Variants in ROBO2 observed in about 807,000 individuals in gnomAD.
ROBO2 encodes the protein roundabout homolog 2.
Under a neutral mutation model 160.8 loss-of-function variants are expected in ROBO2, and 53 were observed. That is an observed-to-expected ratio of 0.33 (90% CI 0.26 to 0.41). ROBO2 has a LOEUF of 0.41. ROBO2 is among the 10% of genes least tolerant of loss of function. ROBO2 has a pLI of 1.00. For synonymous variants in ROBO2, 664 were observed against 611.7 expected, an observed-to-expected ratio of 1.09 and a Z score of -1.26; for missense variants, 1,577 against 1,722.4, an observed-to-expected ratio of 0.92 and a Z score of 1.49.
chr3:76,061,696 C>G (rs1364424115), intron 2 of ROBO2, among the ~76,000 whole-genome samples: 3 of 152,112 alleles, frequency 2.0e-5, no homozygotes, highest in Non-Finnish European at 4.4e-5. Flanking sequence ...TATGCAGCTG[C>G]TGTAACAAAT....
chr3:76,554,833 C>A (rs2083610856), intron 2 of ROBO2, among the ~76,000 whole-genome samples: 1 of 152,000 alleles, frequency 6.6e-6, no homozygotes, highest in Non-Finnish European at 1.5e-5. Flanking sequence ...GGTTTAGCTG[C>A]TTTCATGAGT....
At chr3:76,610,644 G>A (rs1051901380) in intron 2 of ROBO2, among the ~76,000 whole-genome samples, 8 of 149,402 alleles carry the variant, frequency 5.4e-5, no homozygotes, top group East Asian at 2.0e-4. Flanking sequence ...CAGTGAGCAG[G>A]AGCACGTTCA....
intron 1 of ROBO2, among the ~76,000 whole-genome samples, chr3:75,918,792 C>T (rs185033796): frequency 6.6e-6 from 1 of 152,236 alleles, no homozygotes; most frequent in African/African-American, 2.4e-5. Context: ...TTCTTTATAG[C>T]AGTTGTGAAT....
At chr3:76,124,744 T>C (rs1271195965) in intron 2 of ROBO2, among the ~76,000 whole-genome samples, 2 of 152,186 alleles carry the variant, frequency 1.3e-5, no homozygotes. Context: ...ATATCCAATG[T>C]CTAATATTAC....
chr3:76,669,132 C>T (rs1019997900), intron 2 of ROBO2, among the ~76,000 whole-genome samples: 31 of 152,028 alleles, frequency 2.0e-4, no homozygotes, highest in African/African-American at 7.5e-4. Flanking sequence ...ATGGGAAGCA[C>T]CCTCTTTTCA....
chr3:76,718,939 T>C (rs2093423925), intron 2 of ROBO2, among the ~76,000 whole-genome samples: 1 of 152,300 alleles, frequency 6.6e-6, no homozygotes, highest in East Asian at 1.9e-4. Context: ...TTCAACTCAA[T>C]ACAGACACAT....
chr3:76,361,071 A>G (rs965238070), intron 2 of ROBO2, among the ~76,000 whole-genome samples: 3 of 152,108 alleles, frequency 2.0e-5, no homozygotes, highest in Admixed American at 6.6e-5. Flanking sequence ...AATTTTTTTC[A>G]TGTAATGACA....
intron 2 of ROBO2, among the ~76,000 whole-genome samples, chr3:76,738,332 T>C (rs2093748280): frequency 6.6e-6 from 1 of 152,114 alleles, no homozygotes; most frequent in Admixed American, 6.5e-5. Context: ...GGAATGTTGT[T>C]GGAAAGTTAA....
At chr3:76,758,142 A>G (rs1004281224) in intron 2 of ROBO2, among the ~76,000 whole-genome samples, 2 of 151,890 alleles carry the variant, frequency 1.3e-5, no homozygotes, top group Non-Finnish European at 2.9e-5. Context: ...AGCTTAAATT[A>G]TCTGTTGTGA....
chr3:76,654,427 A>T (rs2091399021), intron 2 of ROBO2, among the ~76,000 whole-genome samples: 2 of 152,180 alleles, frequency 1.3e-5, no homozygotes, highest in Non-Finnish European at 2.9e-5. Context: ...GGTGAAGGTA[A>T]AACATACTGT....
At chr3:76,472,113 G>A (rs1027411924) in intron 2 of ROBO2, among the ~76,000 whole-genome samples, 5 of 77,466 alleles carry the variant, frequency 6.5e-5, no homozygotes, top group Non-Finnish European at 1.3e-4. Flanking sequence ...GCGTGTGCGT[G>A]CGCATGTGTA....
At chr3:75,974,068 T>C (rs183090371) in intron 2 of ROBO2, among the ~76,000 whole-genome samples, 1 of 151,620 alleles carries the variant, frequency 6.6e-6, no homozygotes, top group Admixed American at 6.6e-5. Context: ...CAATAGGTAA[T>C]GGTGAGGACC....
At chr3:76,992,973 G>A (rs889241069) in intron 2 of ROBO2, among the ~76,000 whole-genome samples, 4 of 151,672 alleles carry the variant, frequency 2.6e-5, no homozygotes, top group Non-Finnish European at 2.9e-5. Context: ...ACTCACCATC[G>A]CGCCTGGACA....
intron 1 of ROBO2, among the ~76,000 whole-genome samples, chr3:77,082,081 CATA>C: frequency 6.6e-6 from 1 of 152,100 alleles, no homozygotes; most frequent in Non-Finnish European, 1.5e-5. Context: ...ATAACTTGGT[CATA>C]ATAAGAGACT....
chr3:77,006,104 C>T (rs1172039722), intron 2 of ROBO2, among the ~76,000 whole-genome samples: 2 of 151,900 alleles, frequency 1.3e-5, no homozygotes, highest in Admixed American at 6.6e-5. Context: ...AGGGTAAAGA[C>T]AGTCACTTCT....
At chr3:77,577,429 A>T in intron 14 of ROBO2, 61 bp from the exon 16 acceptor site, 1 of 1,610,246 alleles carries the variant, frequency 6.2e-7, no homozygotes, top group Non-Finnish European at 8.5e-7. Flanking sequence ...ATATTCTGAA[A>T]GTAGCATGAA....
intron 2 of ROBO2, among the ~76,000 whole-genome samples, chr3:76,407,594 G>A (rs1436826943): frequency 6.6e-6 from 1 of 151,926 alleles, no homozygotes; most frequent in East Asian, 1.9e-4. Flanking sequence ...GCCATGGAGA[G>A]CAATAGGAAA....
At chr3:76,444,952 TTAGA>T (rs1313016127) in intron 2 of ROBO2, among the ~76,000 whole-genome samples, 1 of 152,182 alleles carries the variant, frequency 6.6e-6, no homozygotes, top group Non-Finnish European at 1.5e-5. Flanking sequence ...AACTCCATTG[TTAGA>T]TAGGCTTTTT....
rs565858941 is a variant in ROBO2, at chr3:77,260,562, C to A, written c.388+162222C>A. 2.0e-5 allele frequency among the ~76,000 whole-genome samples: 3 copies of A among 152,158 alleles called. No homozygotes were observed. In the East Asian group the frequency reaches 5.8e-4, roughly 29 times the overall value. ...TTCATGGTTTTGAATTGTGAGGAAC[C>A]CGTCATTCTAAAGGAACTAATGCAA... On this transcript the variant is annotated intron_variant, in intron 2 of 25. Transcript: ENST00000461745.
Sources: gnomAD v4.1 joint callset for allele counts (sites outside exome capture counted in the v4.1 genomes callset) on GRCh38, gnomAD v4.1.1 for gene constraint, MANE v1.5 for transcripts, NCBI Gene and HGNC (gene_info 2026-07-23, HGNC 2026-07-21) for gene names.